MBD2: variants seen among roughly 807,000 people sequenced by gnomAD.
MBD2 encodes methyl-CpG binding domain protein 2, also known as methyl-CpG-binding domain protein 2.
In MBD2, 9 loss-of-function variants were observed where a neutral mutation model predicts 39.3. The observed-to-expected ratio is 0.23, with a 90% CI of 0.14 to 0.40. The LOEUF is 0.40. Among genes scored for constraint, MBD2 ranks in the 10% least tolerant of loss-of-function variants. MBD2 has a pLI of 1.00. For synonymous variants in MBD2, 233 were observed against 211.1 expected, an observed-to-expected ratio of 1.10 and a Z score of -0.90; for missense variants, 458 against 532.6, an observed-to-expected ratio of 0.86 and a Z score of 1.38.
intron 1 of MBD2, 36 bp downstream of exon 1, chr18:54,223,982 G>GA: frequency 8.0e-6 from 11 of 1,371,190 alleles, no homozygotes; most frequent in Admixed American, 1.9e-5. Context: ...ACCCCGGCCT[G>GA]ACCCCGCCAC....
intron 1 of MBD2, among the ~76,000 whole-genome samples, chr18:54,213,139 C>G (rs1000941255): frequency 5.3e-5 from 8 of 151,028 alleles, no homozygotes; most frequent in Non-Finnish European, 1.2e-4. Context: ...GAGTAAATTA[C>G]TATAGCTAAT....
chr18:54,161,349 C>T (rs745527711), intron 5 of MBD2, among the ~76,000 whole-genome samples: 1 of 152,180 alleles, frequency 6.6e-6, no homozygotes, highest in Non-Finnish European at 1.5e-5. Context: ...GCTCTATAGC[C>T]TCTGTCATAT....
chr18:54,181,647 T>C (rs893116032), intron 3 of MBD2, among the ~76,000 whole-genome samples: 2 of 152,100 alleles, frequency 1.3e-5, no homozygotes, highest in Admixed American at 1.3e-4. Flanking sequence ...TACAGGCACC[T>C]GCCACCACAC....
At chr18:54,213,113 A>C (rs954733504) in intron 1 of MBD2, among the ~76,000 whole-genome samples, 3 of 151,668 alleles carry the variant, frequency 2.0e-5, no homozygotes, top group African/African-American at 7.3e-5. Context: ...TTAAAGTATA[A>C]GGAAAAAATT....
chr18:54,154,719 C>G lies in MBD2; in HGVS notation c.*605G>C, dbSNP rs995771592. On this transcript the variant is annotated 3_prime_UTR_variant, in exon 7 of 7. Coordinates refer to ENST00000256429, the MANE Select transcript of MBD2 (RefSeq NM_003927.5). ...TTCATACTGCAAATATATGCGCTAT[C>G]TTCCTCCACCTCCATGTCAAACCTA... 2.0e-5 allele frequency: 3 copies of G among 152,522 alleles called. No individual in the cohort carries two copies. The highest frequency in any genetic ancestry group is 2.0e-4 in the Admixed American group (3 of 15,282). 9.4% of individuals were successfully genotyped at this position (152,522 alleles called of 1,614,324 possible).
At chr18:54,175,166 C>T (rs1402700041) in intron 3 of MBD2, among the ~76,000 whole-genome samples, 1 of 152,192 alleles carries the variant, frequency 6.6e-6, no homozygotes, top group Non-Finnish European at 1.5e-5. Context: ...AGTGAACTGA[C>T]CAGAGGAACA....
At chr18:54,198,703 C>T (rs1282379765) in intron 2 of MBD2, among the ~76,000 whole-genome samples, 2 of 152,102 alleles carry the variant, frequency 1.3e-5, no homozygotes, top group African/African-American at 4.8e-5. Context: ...AAAGTGAGAC[C>T]GTCTCAACAA....
At chr18:54,171,699 G>A (rs2086180846) in intron 3 of MBD2, among the ~76,000 whole-genome samples, 2 of 152,228 alleles carry the variant, frequency 1.3e-5, no homozygotes, top group Admixed American at 1.3e-4. Context: ...ATAGGGAGAG[G>A]AAGAGGAGGA....
chr18:54,171,917 T>C (rs1469445013), intron 3 of MBD2, among the ~76,000 whole-genome samples: 3 of 152,238 alleles, frequency 2.0e-5, no homozygotes, highest in African/African-American at 7.2e-5. Context: ...GTCAGTGTGA[T>C]TAAACAGTCC....
chr18:54,208,673 G>C (rs961576080), intron 1 of MBD2, among the ~76,000 whole-genome samples: 1 of 152,202 alleles, frequency 6.6e-6, no homozygotes, highest in Non-Finnish European at 1.5e-5. Context: ...TTATGGCTTA[G>C]AGACAAATAG....
intron 3 of MBD2, among the ~76,000 whole-genome samples, chr18:54,166,836 G>A (rs1480717270): frequency 1.3e-5 from 2 of 152,180 alleles, no homozygotes; most frequent in African/African-American, 4.8e-5. Context: ...TCGTGCCCTA[G>A]GGGCTATGGA....
chr18:54,204,878 G>C, intron 2 of MBD2, 120 bp downstream of exon 2: 2 of 860,860 alleles, frequency 2.3e-6, no homozygotes, highest in Non-Finnish European at 3.7e-6. Flanking sequence ...GGTGGGCAGG[G>C]TATGGGGACA....
At chr18:54,156,865 TA>T (rs908313333) in intron 6 of MBD2, among the ~76,000 whole-genome samples, 2 of 148,298 alleles carry the variant, frequency 1.3e-5, no homozygotes, top group African/African-American at 5.0e-5. Flanking sequence ...AAAATAATAA[TA>T]AAAAAAAAGG....
At chr18:54,194,590 ATTT>A (rs756868045) in intron 2 of MBD2, among the ~76,000 whole-genome samples, 1 of 149,550 alleles carries the variant, frequency 6.7e-6, no homozygotes, top group South Asian at 2.1e-4. Flanking sequence ...AATGAAAAAA[ATTT>A]TTTAAATAAT....
rs2086189446 is a variant in MBD2 at position 54,173,053 on chromosome 18, C to T, written c.841-6887G>A. Among the ~76,000 whole-genome samples the T allele has an allele frequency of 2.6e-5, 4 of 152,074 alleles. No individual in the cohort carries two copies. In the South Asian group the frequency reaches 8.3e-4, roughly 32 times the overall value. On this transcript the variant is annotated intron_variant, in intron 3 of 6. Coordinates refer to ENST00000256429, the MANE Select transcript of MBD2 (RefSeq NM_003927.5). Reference sequence around the variant, plus strand: ...TTAAAATTAGGAAGTATAAACAAAGCAAAAATAATCAATTCTGAAAGGTAA... The same window carrying T: ...TTAAAATTAGGAAGTATAAACAAAGTAAAAATAATCAATTCTGAAAGGTAA...
intron 2 of MBD2, among the ~76,000 whole-genome samples, chr18:54,192,296 G>A (rs1288851703): frequency 6.6e-6 from 1 of 152,074 alleles, no homozygotes; most frequent in Non-Finnish European, 1.5e-5. Flanking sequence ...GCAGTGGCGC[G>A]ATCTTGGCTC....
chr18:54,204,019 T>C (rs942719555), intron 2 of MBD2, among the ~76,000 whole-genome samples: 1 of 152,220 alleles, frequency 6.6e-6, no homozygotes, highest in Non-Finnish European at 1.5e-5. Flanking sequence ...AGCTAATAAG[T>C]AGCAGAGCCA....
At position 54,159,772 on chromosome 18, in the gene MBD2, T is replaced by C. The variant is rs1170510039; in HGVS notation, c.*5A>G. The C allele has an allele frequency of 1.2e-6, 2 of 1,608,666 alleles. No homozygotes were observed. The highest frequency in any genetic ancestry group is 1.1e-5 in the South Asian group (1 of 91,080). On this transcript the variant is annotated 3_prime_UTR_variant, in exon 6 of 7. Coordinates refer to ENST00000256429, the MANE Select transcript of MBD2 (RefSeq NM_003927.5). ...TCTCTGGTGTCAGTTTACCTGATCA[T>C]ATTCTTAGGCTTCATCTCCACTGTC...
intron 1 of MBD2, among the ~76,000 whole-genome samples, chr18:54,206,491 G>C (rs968672821): frequency 3.9e-5 from 6 of 152,046 alleles, no homozygotes; most frequent in Non-Finnish European, 8.8e-5. Flanking sequence ...CACAATAAAA[G>C]AAAAATAACT....
Sources: gnomAD v4.1 joint callset for allele counts (sites outside exome capture counted in the v4.1 genomes callset) on GRCh38, gnomAD v4.1.1 for gene constraint, MANE v1.5 for transcripts, NCBI Gene and HGNC (gene_info 2026-07-23, HGNC 2026-07-21) for gene names.